RFC3: variants seen among roughly 807,000 people sequenced by gnomAD.
RFC3 encodes the protein A1 38 kDa subunit.
A neutral mutation model predicts 45.1 loss-of-function variants in RFC3; 41 were observed. The observed-to-expected ratio is 0.91, with a 90% confidence interval of 0.71 to 1.18. The LOEUF (loss-of-function observed/expected upper bound fraction) is 1.18, where lower values mean the gene tolerates loss of function less well. RFC3 is among the 50% of genes most tolerant of loss of function. The pLI is 0.00. For synonymous variants in RFC3, 149 were observed against 144.0 expected (o/e 1.03, Z -0.25); for missense variants, 423 against 428.1 (o/e 0.99, Z 0.10).
chr13:33,968,103 C>G (rs2083096244), downstream of RFC3, among the ~76,000 whole-genome samples: 1 of 152,170 alleles, frequency 6.6e-6, no homozygotes, highest in African/African-American at 2.4e-5. Context: ...CCTTACCTCT[C>G]TAAAGCCAGC....
At chr13:33,921,650 C>T (rs933586526) in intron 8 of RFC3, among the ~76,000 whole-genome samples, 9 of 152,042 alleles carry the variant, frequency 5.9e-5, no homozygotes, top group Admixed American at 2.6e-4. Context: ...ATGGTGCAGC[C>T]TTTCACGATG....
intron 8 of RFC3, among the ~76,000 whole-genome samples, chr13:33,904,875 G>A (rs908778836): frequency 1.3e-5 from 2 of 152,088 alleles, no homozygotes; most frequent in African/African-American, 4.8e-5. Context: ...CAGCTGGTGA[G>A]ACTTCTCAGA....
chr13:33,928,705 A>G (rs367984954), intron 8 of RFC3, among the ~76,000 whole-genome samples: 18 of 152,116 alleles, frequency 1.2e-4, no homozygotes, highest in African/African-American at 3.6e-4. Flanking sequence ...CATACTTAAT[A>G]CAAGTCCAAT....
At chr13:33,945,699 C>T (rs1049526079) in intron 8 of RFC3, among the ~76,000 whole-genome samples, 4 of 152,188 alleles carry the variant, frequency 2.6e-5, no homozygotes, top group Admixed American at 1.3e-4. Context: ...TAGGGATATA[C>T]GCTGCCTGAT....
intron 8 of RFC3, among the ~76,000 whole-genome samples, chr13:33,931,040 A>G (rs1008462392): frequency 4.6e-5 from 7 of 152,018 alleles, no homozygotes; most frequent in Non-Finnish European, 1.0e-4. Context: ...AAGTGTTTCA[A>G]TGTGTCTTTA....
intron 8 of RFC3, among the ~76,000 whole-genome samples, chr13:33,952,587 A>G (rs1202704470): frequency 6.6e-6 from 1 of 152,224 alleles, no homozygotes; most frequent in Non-Finnish European, 1.5e-5. Flanking sequence ...GTTGGTGCTA[A>G]GTAGAAATCC....
intron 8 of RFC3, among the ~76,000 whole-genome samples, chr13:33,922,040 T>G (rs1315957805): frequency 6.6e-6 from 1 of 151,992 alleles, no homozygotes; most frequent in African/African-American, 2.4e-5. Flanking sequence ...AGAGGGCTGC[T>G]GGAAGATGGA....
intron 8 of RFC3, among the ~76,000 whole-genome samples, chr13:33,926,985 A>C (rs908838929): frequency 5.9e-5 from 9 of 151,994 alleles, no homozygotes; most frequent in African/African-American, 1.9e-4. Flanking sequence ...CATGAAAATT[A>C]AGCTTCAGTG....
chr13:33,928,466 G>A (rs999759568), intron 8 of RFC3, among the ~76,000 whole-genome samples: 4 of 152,050 alleles, frequency 2.6e-5, no homozygotes, highest in Admixed American at 6.6e-5. Flanking sequence ...GAGTTCACTC[G>A]GAGGAAATAC....
intron 8 of RFC3, among the ~76,000 whole-genome samples, chr13:33,962,845 GT>G (rs1235991367): frequency 6.6e-6 from 1 of 152,058 alleles, no homozygotes; most frequent in East Asian, 1.9e-4. Context: ...CACTTTTACT[GT>G]TTTTTAGTTG....
intron 8 of RFC3, among the ~76,000 whole-genome samples, chr13:33,867,096 C>T (rs1245574278): frequency 6.6e-6 from 1 of 152,164 alleles, no homozygotes; most frequent in Non-Finnish European, 1.5e-5. Context: ...AGAAACAAGG[C>T]AATGCTAATA....
At chr13:33,874,734 C>G (rs1467059010) in intron 8 of RFC3, among the ~76,000 whole-genome samples, 3 of 152,198 alleles carry the variant, frequency 2.0e-5, no homozygotes, top group African/African-American at 7.2e-5. Flanking sequence ...GAAATATATA[C>G]CTGGAAAATG....
chr13:33,905,589 G>A (rs2137682610), intron 8 of RFC3, among the ~76,000 whole-genome samples: 1 of 152,062 alleles, frequency 6.6e-6, no homozygotes, highest in South Asian at 2.1e-4. Context: ...GGTCTTCAGG[G>A]CTGAAGCAGT....
At chr13:33,894,828 A>C (rs778571479) in intron 8 of RFC3, among the ~76,000 whole-genome samples, 2 of 152,196 alleles carry the variant, frequency 1.3e-5, no homozygotes, top group Admixed American at 6.5e-5. Context: ...ATGGAATAGA[A>C]TAGAGAACCA....
intron 8 of RFC3, among the ~76,000 whole-genome samples, chr13:33,913,613 T>C (rs1400242191): frequency 6.6e-6 from 1 of 152,138 alleles, no homozygotes; most frequent in Non-Finnish European, 1.5e-5. Context: ...TTCTTTATCT[T>C]TAAATGAGAT....
intron 8 of RFC3, among the ~76,000 whole-genome samples, chr13:33,873,412 A>G (rs1265741153): frequency 3.9e-5 from 6 of 152,116 alleles, no homozygotes; most frequent in Non-Finnish European, 1.5e-5. Flanking sequence ...CTGTTTTTCA[A>G]CTCCAAATAC....
intron 8 of RFC3, among the ~76,000 whole-genome samples, chr13:33,952,585 T>A (rs962641895): frequency 6.6e-6 from 1 of 152,224 alleles, no homozygotes; most frequent in Non-Finnish European, 1.5e-5. Context: ...GAGTTGGTGC[T>A]AAGTAGAAAT....
chr13:33,919,985 T>C (rs1024474166), intron 8 of RFC3, among the ~76,000 whole-genome samples: 4 of 152,170 alleles, frequency 2.6e-5, no homozygotes, highest in African/African-American at 4.8e-5. Context: ...ACTGCTCATA[T>C]GGTGGCAGGC....
chr13:33,837,828 G>T (rs539802051), downstream of RFC3, among the ~76,000 whole-genome samples: 1 of 151,942 alleles, frequency 6.6e-6, no homozygotes, highest in Non-Finnish European at 1.5e-5. Flanking sequence ...ATAATTTAAA[G>T]TTATAAATTT....
Sources: allele counts gnomAD v4.1 joint callset (sites outside exome capture counted in the v4.1 genomes callset), GRCh38; gene constraint gnomAD v4.1.1; transcripts MANE v1.5; gene names NCBI Gene and HGNC (gene_info 2026-07-23, HGNC 2026-07-21).